GRIK1: variants seen among roughly 807,000 people sequenced by gnomAD.
GRIK1 encodes glutamate ionotropic receptor kainate type subunit 1.
Under a neutral mutation model 105.7 loss-of-function variants are expected in GRIK1, and 69 were observed. That is an observed-to-expected ratio of 0.65 (90% CI 0.54 to 0.80). The LOEUF (loss-of-function observed/expected upper bound fraction) is 0.80, where lower values mean the gene tolerates loss of function less well. Among genes scored for constraint, GRIK1 ranks in the 30% least tolerant of loss-of-function variants. GRIK1 has a pLI of 0.00. For missense variants in GRIK1, 1,109 were observed against 1,167.3 expected, an observed-to-expected ratio of 0.95 and a Z score of 0.73; for synonymous variants, 438 against 431.3, an observed-to-expected ratio of 1.02 and a Z score of -0.19.
chr21:29,592,364 T>G (rs1298936321), intron 9 of GRIK1, among the ~76,000 whole-genome samples: 1 of 152,210 alleles, frequency 6.6e-6, no homozygotes, highest in African/African-American at 2.4e-5. Context: ...GTAAAGCCCA[T>G]TACTCTTTTT....
intron 1 of GRIK1, among the ~76,000 whole-genome samples, chr21:29,932,090 C>T (rs1033550144): frequency 6.6e-6 from 1 of 152,120 alleles, no homozygotes; most frequent in Admixed American, 6.5e-5. Flanking sequence ...ATTTTCAATA[C>T]AGTTGATAGG....
chr21:29,537,970 C>T (rs1738871812), intron 16 of GRIK1, 86 bp from the exon 17 acceptor site: 3 of 670,506 alleles, frequency 4.5e-6, no homozygotes, highest in Non-Finnish European at 5.2e-6. Context: ...AATGATGCAG[C>T]TGTGGTCGAA....
rs1185582339 is a variant in GRIK1 at position 29,707,433 on chromosome 21, TCCC to T, written c.119-13373_119-13371del. Among the ~76,000 whole-genome samples the T allele has an allele frequency of 6.8e-5, 4 of 58,776 alleles. 1 individual carries two copies. Among genetic ancestry groups the T allele is most frequent in the Admixed American group, 4.7e-4 (3 of 6,378 alleles). The allele number at this position is 58,776 out of a possible 152,430, so 38.6% of individuals were successfully genotyped here. A position where few individuals can be genotyped will look rare whatever the true frequency, so the allele number is the denominator to read the frequency against. ...GGCTTTCTTTCTTTCTTTCCCTTCCTCCCTCCCTCCCTCCCTCCCTCCCTCCCT... is the reference window on the plus strand; with the variant it reads ...GGCTTTCTTTCTTTCTTTCCCTTCCTTCCCTCCCTCCCTCCCTCCCTCCCT... On this transcript the variant is annotated intron_variant, in intron 1 of 17. Transcript: ENST00000327783.
At chr21:29,817,067 C>T (rs970870493) in intron 1 of GRIK1, among the ~76,000 whole-genome samples, 1 of 151,950 alleles carries the variant, frequency 6.6e-6, no homozygotes, top group Non-Finnish European at 1.5e-5. Context: ...ACACTTATTA[C>T]GTATCAATAA....
At chr21:29,695,801 G>A (rs1601473966) in intron 1 of GRIK1, among the ~76,000 whole-genome samples, 1 of 152,050 alleles carries the variant, frequency 6.6e-6, no homozygotes, top group Admixed American at 6.6e-5. Flanking sequence ...CTACTCTCAG[G>A]ATTGAGTGAT....
intron 16 of GRIK1, among the ~76,000 whole-genome samples, chr21:29,550,701 A>G (rs1036715060): frequency 6.6e-6 from 1 of 152,230 alleles, no homozygotes; most frequent in Admixed American, 6.5e-5. Flanking sequence ...CTAAATTAGA[A>G]AACCAATTTT....
intron 1 of GRIK1, among the ~76,000 whole-genome samples, chr21:29,727,575 G>A (rs1329759358): frequency 6.6e-6 from 1 of 152,066 alleles, no homozygotes; most frequent in Non-Finnish European, 1.5e-5. Context: ...AGGAGAGATA[G>A]GTTTATAAAC....
chr21:29,870,469 A>G (rs918089321), intron 1 of GRIK1, among the ~76,000 whole-genome samples: 2 of 151,928 alleles, frequency 1.3e-5, no homozygotes. Context: ...CTTATTTTAC[A>G]CTAAATAAAA....
chr21:29,692,905 A>G (rs1170326336), intron 2 of GRIK1, among the ~76,000 whole-genome samples: 1 of 152,204 alleles, frequency 6.6e-6, no homozygotes, highest in Non-Finnish European at 1.5e-5. Context: ...GCTCCTAAGA[A>G]AATAAGTTTT....
At chr21:29,811,454 A>T (rs1002291505) in intron 1 of GRIK1, among the ~76,000 whole-genome samples, 1 of 152,154 alleles carries the variant, frequency 6.6e-6, no homozygotes, top group Non-Finnish European at 1.5e-5. Flanking sequence ...CTCTCTAACT[A>T]TAAGTAGATT....
At chr21:29,539,156 A>C (rs928620128) in intron 16 of GRIK1, among the ~76,000 whole-genome samples, 7 of 152,182 alleles carry the variant, frequency 4.6e-5, no homozygotes, top group African/African-American at 1.7e-4. Flanking sequence ...CACAAAGAAA[A>C]ACGTCAGAAA....
chr21:29,760,756 G>A (rs114519665), intron 1 of GRIK1, among the ~76,000 whole-genome samples: 2,325 of 152,302 alleles, frequency 0.015, 25 homozygotes, highest in Middle Eastern at 0.048. Context: ...GGCTTAGATT[G>A]AGTCACTTTA....
intron 1 of GRIK1, among the ~76,000 whole-genome samples, chr21:29,931,872 G>T (rs771376221): frequency 6.6e-6 from 1 of 151,978 alleles, no homozygotes; most frequent in African/African-American, 2.4e-5. Flanking sequence ...TGACTCGTTT[G>T]GTGTAAAAAA....
chr21:29,657,059 A>G (rs1029175131), intron 4 of GRIK1, among the ~76,000 whole-genome samples: 3 of 152,190 alleles, frequency 2.0e-5, no homozygotes, highest in African/African-American at 7.2e-5. Flanking sequence ...GTTCTCTTAT[A>G]TCATTCGAGC....
chr21:29,693,949 G>A lies in GRIK1; in HGVS notation c.233C>T (p.Thr78Ile), dbSNP rs775238525. The change falls in exon 2 of 18, where the codon ACC becomes ATC. Residue 78 changes from threonine to isoleucine, a missense_variant. Physicochemically the swap from Thr to Ile is moderately conservative, Grantham distance 89. Around this residue, in one of 5 missense-constraint regions of GRIK1, gnomAD observed 612 missense variants for 586.0 expected, o/e 1.04. Coordinates refer to ENST00000327783, the MANE Select transcript of GRIK1 (RefSeq NM_001330994.2). ...AAGGTTAATTCTCTGGATGTCATAG[G>A]TTAATGTGGTGTTAGGCATCAGGGT... ...NRTLMPNTTL[T>I]YDIQRINLFD... 2.5e-6 allele frequency: 4 copies of A among 1,612,810 alleles called. No individual in the cohort carries two copies. In the African/African-American group the frequency reaches 4.0e-5, roughly 16 times the overall value.
intron 1 of GRIK1, among the ~76,000 whole-genome samples, chr21:29,715,255 C>T (rs184602294): frequency 6.6e-5 from 10 of 152,214 alleles, no homozygotes; most frequent in South Asian, 2.1e-4. Context: ...TAGTGACTGC[C>T]GGTGGTCAGT....
chr21:29,771,331 A>G (rs983174958), intron 1 of GRIK1, among the ~76,000 whole-genome samples: 9 of 152,244 alleles, frequency 5.9e-5, no homozygotes, highest in Non-Finnish European at 1.2e-4. Flanking sequence ...TACTGTTAAT[A>G]AATAAGAAGG....
intron 1 of GRIK1, among the ~76,000 whole-genome samples, chr21:29,799,057 C>CG (rs2066633368): frequency 1.3e-5 from 2 of 152,172 alleles, no homozygotes; most frequent in Admixed American, 1.3e-4. Context: ...CTGGAATTGT[C>CG]ACATTCCAAG....
At chr21:29,565,830 C>G (rs560245027) in intron 14 of GRIK1, among the ~76,000 whole-genome samples, 5 of 152,192 alleles carry the variant, frequency 3.3e-5, no homozygotes, top group Admixed American at 6.5e-5. Context: ...ACGTTCTACT[C>G]TCTAGACCAA....
Sources: gnomAD v4.1 joint callset for allele counts (sites outside exome capture counted in the v4.1 genomes callset) on GRCh38, gnomAD v4.1.1 for gene constraint, gnomAD v4.1.1 regional missense constraint, MANE v1.5 for transcripts, NCBI Gene and HGNC (gene_info 2026-07-23, HGNC 2026-07-21) for gene names.